SLC6A2: variants seen among roughly 807,000 people sequenced by gnomAD.
SLC6A2 encodes sodium-dependent noradrenaline transporter.
Under a neutral mutation model 71.7 loss-of-function variants are expected in SLC6A2, and 26 were observed. The observed-to-expected ratio is 0.36, with a 90% confidence interval of 0.27 to 0.50. The LOEUF (loss-of-function observed/expected upper bound fraction) is 0.50, where lower values mean the gene tolerates loss of function less well. SLC6A2 is among the 20% of genes least tolerant of loss of function. The probability of loss-of-function intolerance (pLI) is 0.96; values close to 1 mark genes in which losing one functional copy is unlikely to be tolerated. For synonymous variants in SLC6A2, 363 were observed against 337.9 expected, an observed-to-expected ratio of 1.07 and a Z score of -0.82; for missense variants, 581 against 803.9, an observed-to-expected ratio of 0.72 and a Z score of 3.35.
At chr16:55,698,954 C>T (rs1965885233) in intron 11 of SLC6A2, among the ~76,000 whole-genome samples, 1 of 152,158 alleles carries the variant, frequency 6.6e-6, no homozygotes, top group Non-Finnish European at 1.5e-5. Context: ...GACATACTTA[C>T]CCTAATTTTT....
chr16:55,671,747 C>T lies in SLC6A2; in HGVS notation c.407-191C>T. On this transcript the variant is annotated intron_variant, in intron 3 of 14. Transcript: ENST00000568943. ...GAACGGTTTCATCTTGAAACTACCC[C>T]CACCCCAAAATCTGTGGAAAAATTG... 3 of 1,265,180 alleles carry T rather than the reference C, an allele frequency of 2.4e-6. No individual in the cohort carries two copies. The Admixed American group carries it at 8.3e-5, about 35-fold the overall frequency. 78.4% of individuals were successfully genotyped at this position (1,265,180 alleles called of 1,614,324 possible).
chr16:55,700,246 G>A lies in SLC6A2; in HGVS notation c.1698G>A (p.Met566Ile). ...WVGWGIALSS[M>I]VLVPIYVIYK... ...GGTGGGGCATCGCCCTGTCCTCCATGGTCCTGGTGCCCATCTACGTCATCT... is the reference window on the plus strand; with the variant it reads ...GGTGGGGCATCGCCCTGTCCTCCATAGTCCTGGTGCCCATCTACGTCATCT... The change falls in exon 13 of 15, where the codon ATG becomes ATA. Residue 566 changes from methionine (M) to isoleucine (I), a missense_variant. Met to Ile is a conservative substitution (Grantham distance 10). Transcript: ENST00000568943. 1 of 1,614,042 alleles carries A rather than the reference G, an allele frequency of 6.2e-7. No individual in the cohort carries two copies. Among genetic ancestry groups the A allele is most frequent in the Non-Finnish European group, 8.5e-7 (1 of 1,180,012 alleles).
chr16:55,691,356 G>A (rs1965623546), intron 5 of SLC6A2, among the ~76,000 whole-genome samples: 1 of 151,934 alleles, frequency 6.6e-6, no homozygotes, highest in Non-Finnish European at 1.5e-5. Context: ...ATGGACACAG[G>A]ACTGATGGGG....
intron 4 of SLC6A2, among the ~76,000 whole-genome samples, chr16:55,682,968 C>G (rs1306051738): frequency 6.6e-6 from 1 of 152,216 alleles, no homozygotes; most frequent in Non-Finnish European, 1.5e-5. Flanking sequence ...GGTGCACGAG[C>G]AGTTCCTGTG....
chr16:55,695,157 A>C, intron 7 of SLC6A2, 121 bp from the exon 8 acceptor site: 1 of 1,154,502 alleles, frequency 8.7e-7, no homozygotes. Context: ...AGCAGGAGCC[A>C]CTGAAGGGGG....
At chr16:55,689,217 G>A (rs1250997638) in intron 5 of SLC6A2, among the ~76,000 whole-genome samples, 1 of 152,190 alleles carries the variant, frequency 6.6e-6, no homozygotes, top group African/African-American at 2.4e-5. Context: ...TGAACTGTTA[G>A]CCAAAGATCC....
At chr16:55,702,063 C>G (rs1003677356) in intron 14 of SLC6A2, 129 bp downstream of exon 14, 31 of 824,562 alleles carry the variant, frequency 3.8e-5, no homozygotes, top group Admixed American at 5.9e-5. Context: ...TGCCTTTTCC[C>G]CTTGGAAACA....
At position 55,680,463 on chromosome 16, in the gene SLC6A2, G is replaced by A. The variant is rs1190334055; in HGVS notation, c.645-4680G>A. The stretch of plus-strand genomic sequence containing the variant: ...CTGAAGAACTTGGAATCCGATGTTC[G>A]AGGGTAGCAAGCATCCAGCATGGGA... On this transcript the variant is annotated intron_variant, in intron 4 of 14. Coordinates refer to ENST00000568943, the MANE Select transcript of SLC6A2 (RefSeq NM_001172501.3). 2.0e-5 allele frequency among the ~76,000 whole-genome samples: 3 copies of A among 152,182 alleles called. No individual in the cohort carries two copies. The East Asian group carries it at 5.8e-4, about 29-fold the overall frequency.
intron 4 of SLC6A2, among the ~76,000 whole-genome samples, chr16:55,683,786 A>T (rs1044443585): frequency 6.6e-6 from 1 of 152,210 alleles, no homozygotes; most frequent in Non-Finnish European, 1.5e-5. Context: ...AAAGAGCATG[A>T]TGAATGTCCT....
chr16:55,669,446 G>A (rs544429344), intron 2 of SLC6A2, 119 bp from the exon 3 acceptor site: 46 of 985,668 alleles, frequency 4.7e-5, no homozygotes, highest in East Asian at 1.7e-4. Context: ...GCTGCGCGTC[G>A]CCTTTGGAAA....
intron 13 of SLC6A2, 26 bp from the exon 14 acceptor site, chr16:55,701,837 G>T (rs750542746): frequency 6.3e-7 from 1 of 1,598,294 alleles, no homozygotes; most frequent in Admixed American, 1.7e-5. Context: ...CCAAGCTGAG[G>T]CCTCCTCCCC....
At chr16:55,678,661 C>T (rs1223027736) in intron 4 of SLC6A2, among the ~76,000 whole-genome samples, 1 of 152,186 alleles carries the variant, frequency 6.6e-6, no homozygotes, top group Non-Finnish European at 1.5e-5. Flanking sequence ...ACTTCCACCC[C>T]ATGCCGGTCC....
rs771136037 is a variant in SLC6A2 at position 55,698,458 on chromosome 16, C to T, written c.1390-11C>T. The T allele has an allele frequency of 1.2e-5, 19 of 1,605,080 alleles. No homozygotes were observed. Among genetic ancestry groups the T allele is most frequent in the Non-Finnish European group, 1.6e-5 (19 of 1,171,734 alleles). On this transcript the variant is annotated splice_polypyrimidine_tract_variant and intron_variant, in intron 10 of 14. Coordinates refer to ENST00000568943, the MANE Select transcript of SLC6A2 (RefSeq NM_001172501.3). ...AAGAGGGCCTCTTGGCTTCTTCTCT[C>T]CCTGTGCCAGGGTGGAATTTACGTC...
chr16:55,702,797 G>A lies in SLC6A2; in HGVS notation c.*451G>A, dbSNP rs1966017541. 3.8e-6 allele frequency: 4 copies of A among 1,052,604 alleles called. No homozygotes were observed. 65.2% of individuals were successfully genotyped at this position (1,052,604 alleles called of 1,614,324 possible). A position where few individuals can be genotyped will look rare whatever the true frequency, so the allele number is the denominator to read the frequency against. ...AGCAAAAATCAAACAAAATCTGGCTGAGTTTAGTGGGGTGGTTGGGGAAGG... is the reference window on the plus strand; with the variant it reads ...AGCAAAAATCAAACAAAATCTGGCTAAGTTTAGTGGGGTGGTTGGGGAAGG... On this transcript the variant is annotated 3_prime_UTR_variant, in exon 15 of 15. Coordinates refer to ENST00000568943, the MANE Select transcript of SLC6A2 (RefSeq NM_001172501.3).
intron 4 of SLC6A2, among the ~76,000 whole-genome samples, chr16:55,680,659 C>T (rs1316268022): frequency 6.6e-6 from 1 of 152,138 alleles, no homozygotes; most frequent in South Asian, 2.1e-4. Context: ...AACACACTCC[C>T]AGACACACCC....
At chr16:55,701,581 C>T (rs1354932826) in intron 13 of SLC6A2, among the ~76,000 whole-genome samples, 1 of 152,178 alleles carries the variant, frequency 6.6e-6, no homozygotes, top group African/African-American at 2.4e-5. Flanking sequence ...GCGGTAAGCT[C>T]CCCCAAAGTA....
intron 5 of SLC6A2, 30 bp from the exon 6 acceptor site, chr16:55,691,888 G>C: frequency 6.2e-7 from 1 of 1,613,684 alleles, no homozygotes; most frequent in Non-Finnish European, 8.5e-7. Flanking sequence ...GCCAGAGCGA[G>C]GCTCTCACCT....
In SLC6A2 at chr16:55,704,980, T is replaced by C. The variant is rs1966072270; in HGVS notation, c.*2634T>C. ...ACCCACATTTAATGGAGAGAGAGTA[T>C]GGGCTTTATGTTAAGTCATCTTTGA... On this transcript the variant is annotated 3_prime_UTR_variant, in exon 15 of 15. Coordinates refer to ENST00000568943, the MANE Select transcript of SLC6A2 (RefSeq NM_001172501.3). 5 of 427,032 alleles carry C rather than the reference T, an allele frequency of 1.2e-5. No individual in the cohort carries two copies. The highest frequency in any genetic ancestry group is 1.7e-5 in the Non-Finnish European group (4 of 240,544). 26.5% of individuals were successfully genotyped at this position (427,032 alleles called of 1,614,324 possible).
In SLC6A2 at chr16:55,696,337, A is replaced by C; in HGVS notation, c.1260A>C (p.Ser420=). Residue 420 remains serine, a splice_region_variant and synonymous_variant, in exon 9 of 15, where the codon TCA becomes TCC. Transcript: ENST00000568943. The part of the protein sequence containing the change: ...VMLLALGLDS[S]MGGMEAVITG... The stretch of plus-strand genomic sequence containing the variant: ...TCCTGGCGCTGGGCCTTGACAGCTC[A>C]GTGAGTGACCCTGCTTAGGATACCT... The C allele has an allele frequency of 1.3e-6, 2 of 1,575,318 alleles. No homozygotes were observed. The highest frequency in any genetic ancestry group is 1.7e-6 in the Non-Finnish European group (2 of 1,145,484).
Sources: gnomAD v4.1 joint callset for allele counts (sites outside exome capture counted in the v4.1 genomes callset) on GRCh38, gnomAD v4.1.1 for gene constraint, MANE v1.5 for transcripts, NCBI Gene and HGNC (gene_info 2026-07-23, HGNC 2026-07-21) for gene names.